Variants in ANK3 observed in about 807,000 individuals in gnomAD.
ANK3 encodes ankyrin 3, also known as ankyrin-3.
Under a neutral mutation model 370.9 loss-of-function variants are expected in ANK3, and 57 were observed. The observed-to-expected ratio is 0.15, with a 90% confidence interval of 0.12 to 0.19. The LOEUF is 0.19. ANK3 is among the 10% of genes least tolerant of loss of function. The pLI is 1.00. For missense variants in ANK3, 4,439 were observed against 5,302.1 expected (o/e 0.84, Z 5.06); for synonymous variants, 1,929 against 1,946.3 (o/e 0.99, Z 0.23).
rs761212770 is a variant in ANK3 at position 60,069,282 on chromosome 10, T to C, written c.11599A>G (p.Ile3867Val). 62 of 1,614,048 alleles carry C rather than the reference T, an allele frequency of 3.8e-5. No homozygotes were observed. The highest frequency in any genetic ancestry group is 1.6e-4 in the Middle Eastern group (1 of 6,080). ...IGIRQKSKLPIKATSPKDTFP... is the reference protein window; with the variant it reads ...IGIRQKSKLPVKATSPKDTFP... ...GTATCTTTTGGTGAAGTGGCCTTTA[T>C]GGGAAGTTTGGATTTTTGCCTAATC... The change falls in exon 37 of 44, where the codon ATA becomes GTA. Residue 3867 changes from isoleucine (I) to valine (V), a missense_variant. Ile to Val is a conservative substitution (Grantham distance 29). Around this residue, in one of 13 missense-constraint regions of ANK3, gnomAD observed 496 missense variants for 529.3 expected, o/e 0.94. Coordinates refer to ENST00000280772, the MANE Select transcript of ANK3 (RefSeq NM_020987.5).
chr10:60,617,294 A>G (rs1298057761), intron 1 of ANK3, among the ~76,000 whole-genome samples: 2 of 150,792 alleles, frequency 1.3e-5, no homozygotes, highest in South Asian at 2.1e-4. Context: ...CCCTATCACT[A>G]TCTTTTACCC....
Position 60,082,075 on chromosome 10 carries a change from C to T in ANK3, c.4350+75G>A, listed in dbSNP as rs1173153969. 1.1e-5 allele frequency: 13 copies of T among 1,203,992 alleles called. No individual in the cohort carries two copies. In the Admixed American group the frequency reaches 2.4e-4, roughly 23 times the overall value. The allele number at this position is 1,203,992 out of a possible 1,614,324, so 74.6% of individuals were successfully genotyped here. A position where few individuals can be genotyped will look rare whatever the true frequency, so the allele number is the denominator to read the frequency against. On this transcript the variant is annotated intron_variant, in intron 35 of 43. Coordinates refer to ENST00000280772, the MANE Select transcript of ANK3 (RefSeq NM_020987.5). ...TTTATATGTTTCCCACACTTTAGCC[C>T]TCTGCAACTTCTGTCATACAGATTC...
chr10:60,371,218 A>C (rs1479210822), intron 1 of ANK3, among the ~76,000 whole-genome samples: 1 of 152,114 alleles, frequency 6.6e-6, no homozygotes, highest in Non-Finnish European at 1.5e-5. Flanking sequence ...CCTTCATAAG[A>C]TCTCCAAAAG....
In ANK3 at chr10:60,043,898, A is replaced by C. The variant is rs564008478; in HGVS notation, c.13066-1139T>G. ...CAGTTAAAAAAAAAAAGTATGTAAC[A>C]AAGAATGTTAGGAAGAAAAGTATTT... On this transcript the variant is annotated intron_variant, in intron 42 of 43. Coordinates refer to ENST00000280772, the MANE Select transcript of ANK3 (RefSeq NM_020987.5). 20 of 985,774 alleles carry C rather than the reference A, an allele frequency of 2.0e-5. 1 individual carries two copies. The African/African-American group carries it at 2.8e-4, about 14-fold the overall frequency. 61.1% of individuals were successfully genotyped at this position (985,774 alleles called of 1,614,324 possible). A position where few individuals can be genotyped will look rare whatever the true frequency, so the allele number is the denominator to read the frequency against.
At position 60,075,585 on chromosome 10, in the gene ANK3, C is replaced by A; in HGVS notation, c.5296G>T (p.Val1766Leu). The change falls in exon 37 of 44, where the codon GTG (valine) becomes TTG (leucine). Residue 1766 changes from valine to leucine, a missense_variant. Val to Leu is a conservative substitution (Grantham distance 32). This residue lies in a region of ANK3 where 679 missense variants were observed against 791.0 expected (regional missense o/e 0.86). Transcript: ENST00000280772. ...GGCATTGCAGTCGTGGTAGAAAACA[C>A]TTTCTCAACTGTGTCAGTGGCTGCA... ...VSAATDTVEKVFSTTTAMPFS... is the reference protein window; with the variant it reads ...VSAATDTVEKLFSTTTAMPFS... The A allele has an allele frequency of 6.2e-7, 1 of 1,614,108 alleles. No homozygotes were observed.
At chr10:60,119,750 C>T (rs554344562) in intron 25 of ANK3, among the ~76,000 whole-genome samples, 5 of 151,748 alleles carry the variant, frequency 3.3e-5, no homozygotes, top group South Asian at 2.1e-4. Context: ...CTATCCTGGG[C>T]GAAAGAGCAA....
intron 23 of ANK3, 68 bp from the exon 24 acceptor site, chr10:60,139,155 C>T (rs868832530): frequency 6.4e-7 from 1 of 1,573,592 alleles, no homozygotes; most frequent in Non-Finnish European, 8.6e-7. Context: ...TGGAGAAAAT[C>T]ACTCCTTTGG....
intron 1 of ANK3, among the ~76,000 whole-genome samples, chr10:60,335,236 G>A (rs2052535306): frequency 6.6e-6 from 1 of 151,874 alleles, no homozygotes; most frequent in African/African-American, 2.4e-5. Flanking sequence ...GGAAGCGAGG[G>A]TTACTAATAA....
chr10:60,115,662 G>A (rs1049206164), intron 25 of ANK3, among the ~76,000 whole-genome samples: 8 of 152,072 alleles, frequency 5.3e-5, no homozygotes, highest in Admixed American at 3.3e-4. Flanking sequence ...TTGGTTCAGT[G>A]CTAAATACAA....
chr10:60,733,266 G>C, exon 1 of ANK3: 1 of 1,239,510 alleles, frequency 8.1e-7, no homozygotes, highest in South Asian at 4.0e-5. Context: ...CGCTCACCTG[G>C]GCAGGAGCGG....
chr10:60,609,920 C>A (rs563051831), intron 2 of ANK3, among the ~76,000 whole-genome samples: 2 of 152,166 alleles, frequency 1.3e-5, no homozygotes, highest in Admixed American at 1.3e-4. Context: ...ATACAGTTAA[C>A]AGTTCCAGCA....
chr10:60,247,428 C>T (rs113598176), intron 7 of ANK3, among the ~76,000 whole-genome samples: 130 of 152,258 alleles, frequency 8.5e-4, no homozygotes, highest in African/African-American at 3.1e-3. Flanking sequence ...CACAGTTCAG[C>T]AGCATTAAGT....
At chr10:60,310,771 AT>A (rs1362228535) in intron 1 of ANK3, among the ~76,000 whole-genome samples, 1 of 152,124 alleles carries the variant, frequency 6.6e-6, no homozygotes, top group East Asian at 1.9e-4. Flanking sequence ...TACTGAAATA[AT>A]TTTTTTCCCA....
chr10:60,090,173 C>T (rs2087884110), intron 28 of ANK3, among the ~76,000 whole-genome samples: 1 of 152,010 alleles, frequency 6.6e-6, no homozygotes, highest in African/African-American at 2.4e-5. Flanking sequence ...CAAAATTTAG[C>T]TGGGTGTGGT....
chr10:60,471,624 A>C (rs1253555396), intron 2 of ANK3, among the ~76,000 whole-genome samples: 1 of 152,156 alleles, frequency 6.6e-6, no homozygotes, highest in Non-Finnish European at 1.5e-5. Context: ...AAATTGTTTG[A>C]TCAAACACTA....
intron 20 of ANK3, 147 bp downstream of exon 20, chr10:60,172,753 A>T: frequency 1.6e-6 from 1 of 624,790 alleles, no homozygotes; most frequent in Non-Finnish European, 2.9e-6. Flanking sequence ...AGCTCAGAAC[A>T]ATATGGTTAT....
chr10:60,689,549 C>A (rs537034099), intron 1 of ANK3, among the ~76,000 whole-genome samples: 1 of 151,806 alleles, frequency 6.6e-6, no homozygotes, highest in South Asian at 2.1e-4. Context: ...CTCAGGAGTT[C>A]GAGACCAGCC....
rs34160333 is a variant in ANK3 at position 60,610,502 on chromosome 10, G to GA, written c.96+4683dup. Among the ~76,000 whole-genome samples the GA allele has an allele frequency of 5.1e-3, 744 of 146,354 alleles. 10 individuals carry two copies. The highest frequency in any genetic ancestry group is 0.016 in the African/African-American group (626 of 39,638). On this transcript the variant is annotated intron_variant, in intron 2 of 43. Transcript: ENST00000373827. ...CACTACAGCCTGGGCAACGAGAGCG[G>GA]AAAAAAAAAAAAAATGCTTCCCGAA...
intron 2 of ANK3, among the ~76,000 whole-genome samples, chr10:60,449,119 A>G (rs2064528945): frequency 6.6e-6 from 1 of 152,148 alleles, no homozygotes; most frequent in Non-Finnish European, 1.5e-5. Flanking sequence ...GGACATATAA[A>G]TGCTAGTATA....
Sources: gnomAD v4.1 joint callset for allele counts (sites outside exome capture counted in the v4.1 genomes callset) on GRCh38, gnomAD v4.1.1 for gene constraint, gnomAD v4.1.1 regional missense constraint, MANE v1.5 for transcripts, NCBI Gene and HGNC (gene_info 2026-07-23, HGNC 2026-07-21) for gene names.